KCNN2: variants seen among roughly 807,000 people sequenced by gnomAD.
KCNN2 encodes the protein potassium calcium-activated channel subfamily N member 2, also known as small conductance calcium-activated potassium channel protein 2.
In KCNN2, 24 loss-of-function variants were observed where a neutral mutation model predicts 55.5. The observed-to-expected ratio is 0.43, with a 90% CI of 0.31 to 0.61. KCNN2 has a LOEUF of 0.61. KCNN2 is among the 20% of genes least tolerant of loss of function. The probability of loss-of-function intolerance (pLI) is 0.08; values close to 1 mark genes in which losing one functional copy is unlikely to be tolerated. For missense variants in KCNN2, 754 were observed against 853.6 expected (o/e 0.88, Z 1.45); for synonymous variants, 431 against 336.1 (o/e 1.28, Z -3.09).
intron 3 of KCNN2, among the ~76,000 whole-genome samples, chr5:114,407,283 A>T (rs1008649490): frequency 3.3e-5 from 5 of 151,574 alleles, no homozygotes; most frequent in Admixed American, 6.6e-5. Context: ...TAATTTTCTT[A>T]TTCTTTGTTT....
chr5:114,081,702 G>A (rs1332140116), intron 1 of KCNN2, among the ~76,000 whole-genome samples: 1 of 152,136 alleles, frequency 6.6e-6, no homozygotes, highest in Non-Finnish European at 1.5e-5. Flanking sequence ...CACAACACTA[G>A]AATTGGCAGT....
chr5:114,451,502 G>C (rs1760676152), intron 3 of KCNN2, among the ~76,000 whole-genome samples: 1 of 152,262 alleles, frequency 6.6e-6, no homozygotes, highest in South Asian at 2.1e-4. Context: ...GAAAAGAAGA[G>C]AGGAAGACAT....
chr5:114,333,317 A>G (rs537927077), intron 2 of KCNN2, among the ~76,000 whole-genome samples: 3 of 152,314 alleles, frequency 2.0e-5, no homozygotes, highest in Admixed American at 2.0e-4. Context: ...AGTTTTCTTT[A>G]TCCTTTTGCT....
Position 114,244,102 on chromosome 5 carries a change from C to G in KCNN2, c.-185+22537C>G, listed in dbSNP as rs139446750. On this transcript the variant is annotated intron_variant, in intron 2 of 10. Coordinates refer to the KCNN2 transcript ENST00000512097. ...AATGCTTCTGAATGATGTGGTTCCT[C>G]AAATCCAGAACTGAAAGGCAGCTGT... Among the ~76,000 whole-genome samples the G allele has an allele frequency of 2.9e-3, 445 of 152,246 alleles. 3 individuals are homozygous for G. Among genetic ancestry groups the G allele is most frequent in the Non-Finnish European group, 1.6e-3 (109 of 68,016 alleles).
Position 114,356,781 on chromosome 5 carries a change from T to G in KCNN2, c.-184-4164T>G, listed in dbSNP as rs886574327. 2.6e-5 allele frequency among the ~76,000 whole-genome samples: 4 copies of G among 152,148 alleles called. No individual in the cohort carries two copies. The South Asian group carries it at 8.3e-4, about 32-fold the overall frequency. On this transcript the variant is annotated intron_variant, in intron 2 of 10. Transcript: ENST00000512097. Reference sequence around the variant, plus strand: ...ACATATAATAATTATGATTTTTATGTTTTCTTCAAATTAGTAGATTTCTTA... The same window carrying G: ...ACATATAATAATTATGATTTTTATGGTTTCTTCAAATTAGTAGATTTCTTA...
intron 2 of KCNN2, among the ~76,000 whole-genome samples, chr5:114,393,978 A>G (rs1239446574): frequency 2.0e-5 from 3 of 152,118 alleles, no homozygotes; most frequent in African/African-American, 4.8e-5. Context: ...ATAATCATGT[A>G]CATTCACTAT....
rs762137056 is a variant in KCNN2 at position 114,362,930 on chromosome 5, C to T, written c.791C>T (p.Ala264Val). The T allele has an allele frequency of 1.3e-6, 2 of 1,551,358 alleles. No homozygotes were observed. The highest frequency in any genetic ancestry group is 1.7e-4 in the Middle Eastern group (1 of 5,970). The part of the protein sequence containing the change: ...GGGGASSPSA[A>V]AAAAAAVSSS... ...GGCGGCGCGTCCTCCCCGTCTGCAGCCGCTGCCGCCGCCGCCGCTGTTTCG... is the reference window on the plus strand; with the variant it reads ...GGCGGCGCGTCCTCCCCGTCTGCAGTCGCTGCCGCCGCCGCCGCTGTTTCG... The change falls in exon 1 of 8, where the codon GCC (alanine) becomes GTC (valine). Residue 264 changes from alanine (A) to valine (V), a missense_variant. By Grantham distance (64) the Ala-to-Val change is moderately conservative. Around this residue, in one of 4 missense-constraint regions of KCNN2, gnomAD observed 381 missense variants for 259.1 expected, o/e 1.47. Coordinates refer to ENST00000673685, the MANE Select transcript of KCNN2 (RefSeq NM_021614.4).
chr5:114,398,666 C>G (rs964427766), intron 2 of KCNN2, among the ~76,000 whole-genome samples: 3 of 152,042 alleles, frequency 2.0e-5, no homozygotes, highest in Non-Finnish European at 4.4e-5. Context: ...ATTACTGATT[C>G]TTGCTATCCG....
At chr5:114,476,387 CT>C (rs935493350) in intron 5 of KCNN2, among the ~76,000 whole-genome samples, 6 of 151,502 alleles carry the variant, frequency 4.0e-5, no homozygotes, top group African/African-American at 1.2e-4. Context: ...AGACCGGAGT[CT>C]CTTATAGGTC....
intron 3 of KCNN2, among the ~76,000 whole-genome samples, chr5:114,434,585 G>A (rs373841940): frequency 1.0e-3 from 157 of 152,324 alleles, no homozygotes; most frequent in Non-Finnish European, 1.6e-3. Context: ...AAACCGGTCT[G>A]TTGTAATCCC....
rs956893580 is a variant in KCNN2 at position 114,280,903 on chromosome 5, C to T, written c.-185+59338C>T. On this transcript the variant is annotated intron_variant, in intron 2 of 10. Coordinates refer to the KCNN2 transcript ENST00000512097. ...TTGTTTCCTAAAACTCTTGCCTGTC[C>T]TTGTTCTGTTCTCATTCTTGCCAAC... 2.0e-5 allele frequency among the ~76,000 whole-genome samples: 3 copies of T among 152,190 alleles called. No homozygotes were observed. In the East Asian group the frequency reaches 5.8e-4, roughly 29 times the overall value.
intron 1 of KCNN2, among the ~76,000 whole-genome samples, chr5:114,193,953 T>C (rs955163754): frequency 6.6e-6 from 1 of 152,164 alleles, no homozygotes; most frequent in African/African-American, 2.4e-5. Context: ...ATCCATAAGA[T>C]TGTGTAACCA....
At chr5:114,347,562 A>T (rs1352990124) in intron 2 of KCNN2, among the ~76,000 whole-genome samples, 1 of 152,188 alleles carries the variant, frequency 6.6e-6, no homozygotes, top group Admixed American at 6.5e-5. Flanking sequence ...AAACTTTCTG[A>T]TCAATCTTAT....
At chr5:114,373,024 G>C (rs1451860191) in intron 2 of KCNN2, among the ~76,000 whole-genome samples, 1 of 151,946 alleles carries the variant, frequency 6.6e-6, no homozygotes, top group Non-Finnish European at 1.5e-5. Context: ...TGAATTAAAG[G>C]GTATTATTTA....
chr5:114,089,153 A>G (rs1375448054), intron 1 of KCNN2, among the ~76,000 whole-genome samples: 2 of 152,138 alleles, frequency 1.3e-5, no homozygotes, highest in African/African-American at 4.8e-5. Flanking sequence ...TGAATGCTAG[A>G]TACTATAAAT....
intron 1 of KCNN2, among the ~76,000 whole-genome samples, chr5:114,146,529 ACAGGTATCCCAGAT>A (rs1402075443): frequency 6.6e-6 from 1 of 152,172 alleles, no homozygotes; most frequent in East Asian, 1.9e-4. Flanking sequence ...CTCCGGTTTG[ACAGGTATCCCAGAT>A]GAAATTGGAA....
chr5:114,173,863 G>A (rs191177586), intron 1 of KCNN2, among the ~76,000 whole-genome samples: 11 of 151,958 alleles, frequency 7.2e-5, no homozygotes, highest in Non-Finnish European at 1.3e-4. Flanking sequence ...AGTGATACTA[G>A]CACTGAGATG....
intron 3 of KCNN2, among the ~76,000 whole-genome samples, chr5:114,413,004 G>C (rs1409328113): frequency 6.6e-6 from 1 of 152,120 alleles, no homozygotes; most frequent in Admixed American, 6.6e-5. Flanking sequence ...TTGTAAACTT[G>C]TACTTCCAAG....
chr5:114,327,209 C>T (rs1333106859), intron 2 of KCNN2, among the ~76,000 whole-genome samples: 1 of 152,194 alleles, frequency 6.6e-6, no homozygotes, highest in African/African-American at 2.4e-5. Context: ...AAATTGTGAA[C>T]AGTCAATTGA....
Sources: allele counts gnomAD v4.1 joint callset (sites outside exome capture counted in the v4.1 genomes callset), GRCh38; gene constraint gnomAD v4.1.1; regional missense constraint gnomAD v4.1.1; transcripts MANE v1.5; gene names NCBI Gene and HGNC (gene_info 2026-07-23, HGNC 2026-07-21).